The following KAZN variants were observed in gnomAD, a reference collection of about 807,000 sequenced individuals.
KAZN encodes kazrin.
Under a neutral mutation model 87.4 loss-of-function variants are expected in KAZN, and 40 were observed. The observed-to-expected ratio is 0.46, with a 90% CI of 0.36 to 0.60. KAZN has a LOEUF of 0.60. KAZN is among the 20% of genes least tolerant of loss of function. KAZN has a pLI of 0.00. For synonymous variants in KAZN, 466 were observed against 458.3 expected, an observed-to-expected ratio of 1.02 and a Z score of -0.22; for missense variants, 898 against 1,073.9, an observed-to-expected ratio of 0.84 and a Z score of 2.29.
intron 1 of KAZN, among the ~76,000 whole-genome samples, chr1:13,954,958 A>T (rs1260652756): frequency 2.0e-5 from 3 of 152,138 alleles, no homozygotes; most frequent in Non-Finnish European, 2.9e-5. Context: ...GAGAGCTCCA[A>T]TTCGTCTTAG....
intron 1 of KAZN, among the ~76,000 whole-genome samples, chr1:13,919,204 T>C (rs1639971219): frequency 6.6e-6 from 1 of 152,204 alleles, no homozygotes; most frequent in African/African-American, 2.4e-5. Context: ...ATGCCTCCTT[T>C]TAATCATCTC....
intron 1 of KAZN, among the ~76,000 whole-genome samples, chr1:14,736,985 C>T (rs189978188): frequency 1.1e-4 from 17 of 152,146 alleles, no homozygotes; most frequent in Admixed American, 1.0e-3. Context: ...TGAAAGAGAT[C>T]GGCGATCGAG....
intron 1 of KAZN, among the ~76,000 whole-genome samples, chr1:14,688,354 G>A (rs1033655964): frequency 2.0e-5 from 3 of 152,204 alleles, no homozygotes; most frequent in Non-Finnish European, 2.9e-5. Context: ...TCTTCCAGAG[G>A]CTGCATCGAT....
intron 2 of KAZN, among the ~76,000 whole-genome samples, chr1:14,507,381 C>T (rs537362028): frequency 4.4e-4 from 67 of 152,162 alleles, no homozygotes; most frequent in African/African-American, 1.3e-3. Context: ...AACAGCTGCT[C>T]GGAGAAGTAA....
At chr1:14,210,796 G>T (rs566593140) in intron 2 of KAZN, among the ~76,000 whole-genome samples, 3 of 152,068 alleles carry the variant, frequency 2.0e-5, no homozygotes, top group Non-Finnish European at 2.9e-5. Context: ...ATATTGAGAA[G>T]AATGTCATTA....
At chr1:14,220,409 C>A (rs1212276975) in intron 2 of KAZN, among the ~76,000 whole-genome samples, 1 of 152,120 alleles carries the variant, frequency 6.6e-6, no homozygotes, top group East Asian at 1.9e-4. Flanking sequence ...CCCTAACTAC[C>A]CTGTGGATGT....
intron 2 of KAZN, among the ~76,000 whole-genome samples, chr1:14,399,874 T>C (rs1278322729): frequency 1.3e-5 from 2 of 152,210 alleles, no homozygotes; most frequent in African/African-American, 2.4e-5. Context: ...AACTGGACCA[T>C]GAACTCCTTG....
intron 2 of KAZN, among the ~76,000 whole-genome samples, chr1:14,974,593 A>G (rs1461796300): frequency 2.0e-5 from 3 of 152,262 alleles, no homozygotes; most frequent in Non-Finnish European, 4.4e-5. Context: ...AGATAAAAAA[A>G]TAAACAAACT....
At chr1:14,296,621 T>A (rs2100763949) in intron 2 of KAZN, among the ~76,000 whole-genome samples, 1 of 148,874 alleles carries the variant, frequency 6.7e-6, no homozygotes, top group Non-Finnish European at 1.5e-5. Context: ...GGCTGAGTTT[T>A]TGTATTTCTT....
chr1:14,911,168 G>C (rs1419414197), intron 1 of KAZN, among the ~76,000 whole-genome samples: 1 of 152,196 alleles, frequency 6.6e-6, no homozygotes, highest in Non-Finnish European at 1.5e-5. Flanking sequence ...TAAATTCCGA[G>C]GGAGAGAGAA....
chr1:14,751,317 G>A (rs1032061704), intron 1 of KAZN, among the ~76,000 whole-genome samples: 3 of 152,150 alleles, frequency 2.0e-5, no homozygotes, highest in Non-Finnish European at 4.4e-5. Flanking sequence ...ATGCTGTTCT[G>A]TAACCTGCTT....
intron 1 of KAZN, among the ~76,000 whole-genome samples, chr1:14,834,356 CTTTTTTTTTTTTT>C (rs34228625): frequency 2.3e-5 from 2 of 88,642 alleles, no homozygotes; most frequent in Non-Finnish European, 4.2e-5. Flanking sequence ...AAGTCACTTC[CTTTTTTTTTTTTT>C]TTTTTTTTTT....
rs114084038 is a variant in KAZN at position 14,590,414 on chromosome 1, G to C, written c.250-8569G>C. Among the ~76,000 whole-genome samples, 145 of 152,296 alleles carry C rather than the reference G, an allele frequency of 9.5e-4. 1 individual carries two copies. The highest frequency in any genetic ancestry group is 2.9e-3 in the African/African-American group (121 of 41,562). On this transcript the variant is annotated intron_variant, in intron 2 of 16. Coordinates refer to the KAZN transcript ENST00000636203. ...AGAAGGTCTCTCACTGCCTCAGCGA[G>C]TGCAGGGATGACTTCACGTATTAGA...
chr1:14,926,840 A>G (rs961110641), intron 1 of KAZN, among the ~76,000 whole-genome samples: 1 of 152,196 alleles, frequency 6.6e-6, no homozygotes, highest in Non-Finnish European at 1.5e-5. Flanking sequence ...TAAGGAGCTG[A>G]AAGAGGTGCC....
At chr1:14,365,066 C>T (rs542988051) in intron 2 of KAZN, among the ~76,000 whole-genome samples, 7 of 149,468 alleles carry the variant, frequency 4.7e-5, no homozygotes, top group South Asian at 2.1e-4. Flanking sequence ...TTTTTTGTGA[C>T]GGAGTCTCAC....
intron 1 of KAZN, among the ~76,000 whole-genome samples, chr1:14,075,307 G>A (rs185517864): frequency 1.1e-4 from 16 of 152,220 alleles, no homozygotes; most frequent in East Asian, 3.9e-4. Flanking sequence ...CAACTGCAGC[G>A]GAGGTGCCTT....
At chr1:14,266,893 T>C (rs1651519961) in intron 2 of KAZN, among the ~76,000 whole-genome samples, 1 of 152,092 alleles carries the variant, frequency 6.6e-6, no homozygotes, top group South Asian at 2.1e-4. Flanking sequence ...TTTATTTTAT[T>C]ATTATTATTA....
chr1:14,785,933 G>A (rs965775726), intron 1 of KAZN, among the ~76,000 whole-genome samples: 2 of 152,162 alleles, frequency 1.3e-5, no homozygotes, highest in African/African-American at 4.8e-5. Flanking sequence ...CTGCCACTTA[G>A]TGTCTGTGAG....
intron 1 of KAZN, among the ~76,000 whole-genome samples, chr1:14,781,293 A>C (rs1258019059): frequency 6.6e-6 from 1 of 152,230 alleles, no homozygotes; most frequent in East Asian, 1.9e-4. Flanking sequence ...CTGCGCTCCA[A>C]CCTGGGCAAC....
Sources: gnomAD v4.1 joint callset for allele counts (sites outside exome capture counted in the v4.1 genomes callset) on GRCh38, gnomAD v4.1.1 for gene constraint, MANE v1.5 for transcripts, NCBI Gene and HGNC (gene_info 2026-07-23, HGNC 2026-07-21) for gene names.